DOCK9: variants seen among roughly 807,000 people sequenced by gnomAD.
The protein encoded by DOCK9 is dedicator of cytokinesis 9, also known as dedicator of cytokinesis protein 9.
DOCK9 carries 89 observed loss-of-function variants against 263.3 expected under a neutral mutation model. The ratio of observed to expected loss-of-function variants is 0.34; its 90% CI spans 0.28 to 0.40. The LOEUF is 0.40. Ranked by LOEUF, DOCK9 falls within the 10% of genes least tolerant of loss-of-function variation. The probability of loss-of-function intolerance (pLI) is 1.00; values close to 1 mark genes in which losing one functional copy is unlikely to be tolerated. For synonymous variants in DOCK9, 976 were observed against 973.1 expected (o/e 1.00, Z -0.06); for missense variants, 2,140 against 2,603.4 (o/e 0.82, Z 3.87).
At chr13:99,051,146 A>G (rs550651661) in intron 1 of DOCK9, among the ~76,000 whole-genome samples, 32 of 152,154 alleles carry the variant, frequency 2.1e-4, no homozygotes, top group Admixed American at 2.0e-3. Flanking sequence ...CACCTGAAGC[A>G]ATGGGGGAGG....
At chr13:98,942,399 C>T (rs998544735) in intron 2 of DOCK9, among the ~76,000 whole-genome samples, 59 of 151,872 alleles carry the variant, frequency 3.9e-4, no homozygotes, top group African/African-American at 1.3e-3. Context: ...CCACCACGCC[C>T]GGCTAATTTT....
intron 2 of DOCK9, among the ~76,000 whole-genome samples, chr13:98,930,936 G>C (rs1466886161): frequency 6.6e-6 from 1 of 152,218 alleles, no homozygotes; most frequent in African/African-American, 2.4e-5. Context: ...GAGCCACCAT[G>C]CCCAGCCATT....
chr13:98,977,253 A>T (rs1000359427), intron 1 of DOCK9, among the ~76,000 whole-genome samples: 2 of 152,218 alleles, frequency 1.3e-5, no homozygotes, highest in African/African-American at 4.8e-5. Flanking sequence ...TTCACAGTTT[A>T]GGTTCTTCCC....
intron 1 of DOCK9, chr13:98,959,661 G>C (rs1471743182): frequency 6.6e-6 from 1 of 152,480 alleles, no homozygotes; most frequent in East Asian, 1.9e-4. Context: ...GTGGAGAACA[G>C]AGACTGGTGA....
chr13:99,049,140 C>T (rs368642108), intron 1 of DOCK9, among the ~76,000 whole-genome samples: 2 of 152,218 alleles, frequency 1.3e-5, no homozygotes, highest in South Asian at 2.1e-4. Flanking sequence ...ACTCAATTCT[C>T]TCATTACTCA....
chr13:98,813,733 G>A (rs1192110410), intron 45 of DOCK9, among the ~76,000 whole-genome samples: 5 of 151,978 alleles, frequency 3.3e-5, no homozygotes, highest in East Asian at 1.9e-4. Flanking sequence ...TCTGCCTCCC[G>A]GGTTCAAGCG....
chr13:98,887,343 G>A (rs1202725060), intron 18 of DOCK9, among the ~76,000 whole-genome samples: 1 of 150,990 alleles, frequency 6.6e-6, no homozygotes, highest in Non-Finnish European at 1.5e-5. Flanking sequence ...TAGGCCGGGT[G>A]GGGTGGCTCA....
chr13:99,032,168 A>G (rs1194009353), intron 1 of DOCK9, among the ~76,000 whole-genome samples: 1 of 152,154 alleles, frequency 6.6e-6, no homozygotes, highest in East Asian at 1.9e-4. Flanking sequence ...ATGAGATTAT[A>G]CACTGTTAAA....
At position 98,829,797 on chromosome 13, in the gene DOCK9, A is replaced by T. The variant is rs756490384; in HGVS notation, c.4636-41T>A. On this transcript the variant is annotated intron_variant, in intron 41 of 52. Coordinates refer to ENST00000682017, the MANE Select transcript of DOCK9 (RefSeq NM_001366683.2). This position sits in a 1 kb window ranked among gnomAD's most constrained non-coding sequence, Gnocchi z 4.1. The stretch of plus-strand genomic sequence containing the variant: ...ACATGAGCAAATCAATTTACCTTCA[A>T]ATGACTGCCCAGGCTGGGCTTCTGC... 5.8e-5 allele frequency: 88 copies of T among 1,521,004 alleles called. No individual in the cohort carries two copies. The highest frequency in any genetic ancestry group is 7.5e-5 in the Non-Finnish European group (84 of 1,115,226). The allele number at this position is 1,521,004 out of a possible 1,614,324, so 94.2% of individuals were successfully genotyped here.
chr13:98,796,421 A>G (rs1594069981), intron 52 of DOCK9, among the ~76,000 whole-genome samples: 1 of 152,190 alleles, frequency 6.6e-6, no homozygotes, highest in Admixed American at 6.5e-5. Flanking sequence ...GCTAATGTCA[A>G]TTATAAAGAA....
intron 38 of DOCK9, 97 bp downstream of exon 38, chr13:98,845,827 A>AT: frequency 6.7e-7 from 1 of 1,489,436 alleles, no homozygotes; most frequent in Non-Finnish European, 9.1e-7. Flanking sequence ...TAGAAGAAAA[A>AT]TTGAGTTGGT....
intron 1 of DOCK9, among the ~76,000 whole-genome samples, chr13:99,077,391 C>G (rs1221802054): frequency 6.6e-6 from 1 of 152,134 alleles, no homozygotes; most frequent in Non-Finnish European, 1.5e-5. Context: ...TAGCACCTCT[C>G]CCTTTGCTCT....
intron 2 of DOCK9, among the ~76,000 whole-genome samples, chr13:98,940,314 G>T (rs2055601473): frequency 6.6e-6 from 1 of 152,200 alleles, no homozygotes; most frequent in African/African-American, 2.4e-5. Flanking sequence ...AGAGGCTGAA[G>T]AAGGAATTCC....
intron 29 of DOCK9, 50 bp downstream of exon 29, chr13:98,867,878 G>C: frequency 6.7e-7 from 1 of 1,490,112 alleles, no homozygotes; most frequent in Non-Finnish European, 9.2e-7. Flanking sequence ...AATTCTACCA[G>C]AGAAAGGCTA....
At chr13:98,846,321 A>C (rs147061636) in intron 37 of DOCK9, among the ~76,000 whole-genome samples, 5,300 of 152,300 alleles carry the variant, frequency 0.035, 142 homozygotes, top group Middle Eastern at 0.088. Flanking sequence ...CTACTCTGAA[A>C]AAAGTGAGCA....
rs535656971 is a variant in DOCK9, at chr13:98,881,052, C to T, written c.2746-380G>A. Among the ~76,000 whole-genome samples the T allele has an allele frequency of 2.6e-5, 4 of 152,286 alleles. No individual in the cohort carries two copies. The South Asian group carries it at 8.3e-4, about 32-fold the overall frequency. On this transcript the variant is annotated intron_variant, in intron 25 of 52. Coordinates refer to ENST00000682017, the MANE Select transcript of DOCK9 (RefSeq NM_001366683.2). ...TTAATAGTAAACAGAATATGTGCATCTGTTTAGAATAGTAACTGCCACTCT... is the reference window on the plus strand; with the variant it reads ...TTAATAGTAAACAGAATATGTGCATTTGTTTAGAATAGTAACTGCCACTCT...
Position 99,038,287 on chromosome 13 carries a change from C to CTTTTT in DOCK9, c.129+47935_129+47936insAAAAA, listed in dbSNP as rs1555298970. 5.7e-3 allele frequency among the ~76,000 whole-genome samples: 279 copies of CTTTTT among 48,676 alleles called. 7 individuals are homozygous for CTTTTT. The highest frequency in any genetic ancestry group is 0.013 in the East Asian group (11 of 838). The allele number at this position is 48,676 out of a possible 152,430, so 31.9% of individuals were successfully genotyped here. A position where few individuals can be genotyped will look rare whatever the true frequency, so the allele number is the denominator to read the frequency against. On this transcript the variant is annotated intron_variant, in intron 1 of 32. Coordinates refer to the DOCK9 transcript ENST00000427887. The stretch of plus-strand genomic sequence containing the variant: ...AGCTGAAAAACTGGCTTTATGCCCC[C>CTTTTT]CTTTTTTTTTTTTTTTTTTTTTTTT...
intron 1 of DOCK9, among the ~76,000 whole-genome samples, chr13:99,034,634 C>T (rs898840788): frequency 4.6e-5 from 7 of 152,158 alleles, no homozygotes; most frequent in African/African-American, 1.4e-4. Flanking sequence ...CCTGAAACAC[C>T]GCAGCACTCA....
At chr13:99,015,237 CTGTA>C (rs1378581834) in intron 1 of DOCK9, among the ~76,000 whole-genome samples, 5 of 152,208 alleles carry the variant, frequency 3.3e-5, no homozygotes, top group African/African-American at 1.2e-4. Context: ...ATTCCTTTCT[CTGTA>C]TGTATTTAGC....
Sources: gnomAD v4.1 joint callset for allele counts (sites outside exome capture counted in the v4.1 genomes callset) on GRCh38, gnomAD v4.1.1 for gene constraint, Gnocchi (gnomAD v3.1) non-coding constraint, MANE v1.5 for transcripts, NCBI Gene and HGNC (gene_info 2026-07-23, HGNC 2026-07-21) for gene names.